The following AGAP1 variants were observed in gnomAD, a reference collection of about 807,000 sequenced individuals.
The protein encoded by AGAP1 is arf-GAP with GTPase, ANK repeat and PH domain-containing protein 1.
A neutral mutation model predicts 105.3 loss-of-function variants in AGAP1; 29 were observed. The ratio of observed to expected loss-of-function variants is 0.28; its 90% confidence interval spans 0.21 to 0.38. The LOEUF is 0.38. Among genes scored for constraint, AGAP1 ranks in the 10% least tolerant of loss-of-function variants. The pLI is 1.00. For synonymous variants in AGAP1, 509 were observed against 485.9 expected (o/e 1.05, Z -0.63); for missense variants, 998 against 1,165.1 (o/e 0.86, Z 2.09).
At chr2:235,873,697 G>A (rs1006574931) in intron 9 of AGAP1, among the ~76,000 whole-genome samples, 55 of 152,322 alleles carry the variant, frequency 3.6e-4, no homozygotes, top group African/African-American at 1.2e-3. Context: ...TCCAGTCCAT[G>A]TGGAAGGACC....
At chr2:235,573,916 G>T (rs1944653435) in intron 1 of AGAP1, among the ~76,000 whole-genome samples, 1 of 152,250 alleles carries the variant, frequency 6.6e-6, no homozygotes, top group African/African-American at 2.4e-5. Context: ...CTGGCTCCTG[G>T]CAGAGCCTCC....
rs772423819 is a variant in AGAP1 at position 235,927,443 on chromosome 2, A to G, written c.1325-3322A>G. ...CAGAAGTTTGAAAACCAGTACATTC[A>G]CAGCAGCATTCACAGCAGAGTCCTG... On this transcript the variant is annotated intron_variant, in intron 11 of 17. Coordinates refer to ENST00000304032, the MANE Select transcript of AGAP1 (RefSeq NM_001037131.3). This position sits in a 1 kb window ranked among gnomAD's most constrained non-coding sequence, Gnocchi z 4.4. 1.1e-4 allele frequency among the ~76,000 whole-genome samples: 16 copies of G among 152,184 alleles called. No individual in the cohort carries two copies. Among genetic ancestry groups the G allele is most frequent in the Non-Finnish European group, 2.2e-4 (15 of 68,024 alleles).
intron 1 of AGAP1, among the ~76,000 whole-genome samples, chr2:235,561,067 C>T (rs1944134632): frequency 6.6e-6 from 1 of 152,160 alleles, no homozygotes; most frequent in Non-Finnish European, 1.5e-5. Flanking sequence ...GGGCCATGCA[C>T]AGAAGGCTTG....
chr2:235,810,833 CTTTTTTTTTTTTT>C (rs76910320), intron 9 of AGAP1, among the ~76,000 whole-genome samples: 1 of 113,130 alleles, frequency 8.8e-6, no homozygotes, highest in African/African-American at 3.5e-5. Context: ...AATTCGGTTT[CTTTTTTTTTTTTT>C]TTTTTTTTAC....
At chr2:235,942,244 C>A (rs577828229) in intron 12 of AGAP1, among the ~76,000 whole-genome samples, 1 of 152,182 alleles carries the variant, frequency 6.6e-6, no homozygotes, top group African/African-American at 2.4e-5. Flanking sequence ...CCGCGATTCC[C>A]CTGGTTCCAG....
At position 235,739,451 on chromosome 2, in the gene AGAP1, G is replaced by A. The variant is rs1003433309; in HGVS notation, c.311-1512G>A. 6.6e-5 allele frequency among the ~76,000 whole-genome samples: 10 copies of A among 152,258 alleles called. No homozygotes were observed. Among genetic ancestry groups the A allele is most frequent in the Non-Finnish European group, 2.9e-5 (2 of 68,048 alleles). ...ACCCAGCGGCCTGACTGGCCTGGATGTGTCCCCTGCTAACGGGCCTCAGCC... is the reference window on the plus strand; with the variant it reads ...ACCCAGCGGCCTGACTGGCCTGGATATGTCCCCTGCTAACGGGCCTCAGCC... On this transcript the variant is annotated intron_variant, in intron 3 of 17. Transcript: ENST00000304032. This position sits in a 1 kb window ranked among gnomAD's most constrained non-coding sequence, Gnocchi z 5.3.
chr2:236,084,538 CCT>C (rs768993288), intron 16 of AGAP1, among the ~76,000 whole-genome samples: 25 of 152,132 alleles, frequency 1.6e-4, no homozygotes, highest in Non-Finnish European at 3.5e-4. Context: ...TTCAGGAAAA[CCT>C]CTGTTTGGAT....
At chr2:235,847,214 A>G (rs969940931) in intron 9 of AGAP1, among the ~76,000 whole-genome samples, 3 of 152,240 alleles carry the variant, frequency 2.0e-5, no homozygotes, top group African/African-American at 4.8e-5. Flanking sequence ...TAGCAAACTA[A>G]GGAAGAAAAG....
intron 1 of AGAP1, among the ~76,000 whole-genome samples, chr2:235,604,057 G>A (rs1048510970): frequency 2.7e-5 from 4 of 148,484 alleles, no homozygotes; most frequent in Non-Finnish European, 5.9e-5. Context: ...CCAGCCATGT[G>A]ATTAGTTTAT....
rs1471001536 is a variant in AGAP1, at chr2:236,125,626, G to A, written c.*1504G>A. 1.3e-5 allele frequency: 2 copies of A among 152,184 alleles called. No individual in the cohort carries two copies. The highest frequency in any genetic ancestry group is 2.4e-5 in the African/African-American group (1 of 41,438). The allele number at this position is 152,184 out of a possible 1,614,324, so 9.4% of individuals were successfully genotyped here. On this transcript the variant is annotated 3_prime_UTR_variant, in exon 18 of 18. Coordinates refer to ENST00000304032, the MANE Select transcript of AGAP1 (RefSeq NM_001037131.3). This position sits in a 1 kb window ranked among gnomAD's most constrained non-coding sequence, Gnocchi z 5.2. ...GGGGTGGTTTTCCGAATGCCAGACC[G>A]AGGTGCCTTACGAAGGCAGCTGCCA...
intron 1 of AGAP1, among the ~76,000 whole-genome samples, chr2:235,543,960 C>T (rs1400315070): frequency 2.0e-5 from 3 of 152,106 alleles, no homozygotes; most frequent in Non-Finnish European, 4.4e-5. Flanking sequence ...CTCTCTCTGC[C>T]GCCTGTGCCC....
chr2:235,750,524 A>G lies in AGAP1; in HGVS notation c.673+36A>G, dbSNP rs542549618. On this transcript the variant is annotated intron_variant, in intron 6 of 17. Transcript: ENST00000304032. The surrounding 1 kb of genome is among the most constrained non-coding windows in gnomAD (Gnocchi z 5.3). Reference sequence around the variant, plus strand: ...GTGGCTGGGAGTTTAATTTCAGTTCATGATAGACGGGAGGCACTTCAAGAA... The same window carrying G: ...GTGGCTGGGAGTTTAATTTCAGTTCGTGATAGACGGGAGGCACTTCAAGAA... The G allele has an allele frequency of 1.2e-5, 19 of 1,612,210 alleles. No individual in the cohort carries two copies. In the African/African-American group the frequency reaches 1.5e-4, roughly 12 times the overall value.
In AGAP1 at chr2:235,721,372, A is replaced by T. The variant is rs879649272; in HGVS notation, c.310+3728A>T. Among the ~76,000 whole-genome samples, 6 of 152,226 alleles carry T rather than the reference A, an allele frequency of 3.9e-5. No homozygotes were observed. The highest frequency in any genetic ancestry group is 8.8e-5 in the Non-Finnish European group (6 of 68,036). On this transcript the variant is annotated intron_variant, in intron 3 of 17. Coordinates refer to ENST00000304032, the MANE Select transcript of AGAP1 (RefSeq NM_001037131.3). This position sits in a 1 kb window ranked among gnomAD's most constrained non-coding sequence, Gnocchi z 4.5. ...AAGGATATAAATATTCTGTTTTTCAATTAGTGAATTAACAACACAAAAGTG... is the reference window on the plus strand; with the variant it reads ...AAGGATATAAATATTCTGTTTTTCATTTAGTGAATTAACAACACAAAAGTG...
In AGAP1 at chr2:235,705,377, C is replaced by G. The variant is rs779536553; in HGVS notation, c.164-3802C>G. ...ACATCCGGATGTGCATCCACACACT[C>G]ATGCGCATATGCCCAGCTGTGTTTC... is the stretch of plus-strand genomic sequence containing the variant. On this transcript the variant is annotated intron_variant, in intron 1 of 17. Transcript: ENST00000304032. This position sits in a 1 kb window ranked among gnomAD's most constrained non-coding sequence, Gnocchi z 4.9. 2.0e-5 allele frequency among the ~76,000 whole-genome samples: 3 copies of G among 152,194 alleles called. No individual in the cohort carries two copies. Among genetic ancestry groups the G allele is most frequent in the Non-Finnish European group, 2.9e-5 (2 of 68,038 alleles).
At chr2:235,735,403 T>A (rs1022568238) in intron 3 of AGAP1, among the ~76,000 whole-genome samples, 1 of 152,116 alleles carries the variant, frequency 6.6e-6, no homozygotes, top group Non-Finnish European at 1.5e-5. Flanking sequence ...CTGTGTAGAC[T>A]GCACTTGTGT....
In AGAP1 at chr2:236,003,041, A is replaced by G. The variant is rs1320134496; in HGVS notation, c.1646-33520A>G. 1.3e-5 allele frequency among the ~76,000 whole-genome samples: 2 copies of G among 151,894 alleles called. No individual in the cohort carries two copies. Among genetic ancestry groups the G allele is most frequent in the Non-Finnish European group, 2.9e-5 (2 of 67,994 alleles). On this transcript the variant is annotated intron_variant, in intron 13 of 17. Coordinates refer to ENST00000304032, the MANE Select transcript of AGAP1 (RefSeq NM_001037131.3). The surrounding 1 kb of genome is among the most constrained non-coding windows in gnomAD (Gnocchi z 4.2). The stretch of plus-strand genomic sequence containing the variant: ...ACAGAAGTAAGTTAGAAAATTACTC[A>G]CGTATTCGCCCACTGTGTGCCAACA...
chr2:236,086,815 T>A (rs1286453774), intron 16 of AGAP1, among the ~76,000 whole-genome samples: 1 of 152,104 alleles, frequency 6.6e-6, no homozygotes. Context: ...CTTTCTTTCT[T>A]TGCATAAATT....
At chr2:235,954,328 G>C (rs1268320550) in intron 12 of AGAP1, among the ~76,000 whole-genome samples, 1 of 152,000 alleles carries the variant, frequency 6.6e-6, no homozygotes, top group African/African-American at 2.4e-5. Flanking sequence ...CATGAAAGGG[G>C]TGCAGTGTCC....
chr2:235,958,346 C>A lies in AGAP1; in HGVS notation c.1484-10116C>A, dbSNP rs1159281473. Among the ~76,000 whole-genome samples, 1 of 152,104 alleles carries A rather than the reference C, an allele frequency of 6.6e-6. No individual in the cohort carries two copies. Among genetic ancestry groups the A allele is most frequent in the Non-Finnish European group, 1.5e-5 (1 of 68,026 alleles). ...GAGAGGATTAGGGCCCTGCTAACGG[C>A]AGCAGTAACAGCGGGAGTCCTTGCA... On this transcript the variant is annotated intron_variant, in intron 12 of 17. Transcript: ENST00000304032. The surrounding 1 kb of genome is among the most constrained non-coding windows in gnomAD (Gnocchi z 4.1).
Sources: gnomAD v4.1 joint callset for allele counts (sites outside exome capture counted in the v4.1 genomes callset) on GRCh38, gnomAD v4.1.1 for gene constraint, Gnocchi (gnomAD v3.1) non-coding constraint, MANE v1.5 for transcripts, NCBI Gene and HGNC (gene_info 2026-07-23, HGNC 2026-07-21) for gene names.